Variants in FBXW8 observed in about 807,000 individuals in gnomAD.
FBXW8 encodes F-box/WD repeat-containing protein 8.
In FBXW8, 57 loss-of-function variants were observed where a neutral mutation model predicts 65.3. The observed-to-expected ratio is 0.87, with a 90% confidence interval of 0.71 to 1.09. The LOEUF (loss-of-function observed/expected upper bound fraction) is 1.09, where lower values mean the gene tolerates loss of function less well. FBXW8 is among the 50% of genes least tolerant of loss of function. FBXW8 has a pLI of 0.00. For missense variants in FBXW8, 777 were observed against 814.8 expected (o/e 0.95, Z 0.57); for synonymous variants, 308 against 330.2 (o/e 0.93, Z 0.73).
intron 2 of FBXW8, among the ~76,000 whole-genome samples, chr12:116,942,229 G>A (rs577233645): frequency 6.7e-6 from 1 of 150,226 alleles, no homozygotes; most frequent in Admixed American, 6.6e-5. Context: ...GGGTCTCACT[G>A]TTCATCAGTG....
intron 7 of FBXW8, among the ~76,000 whole-genome samples, chr12:117,000,901 G>C (rs1165996561): frequency 6.6e-6 from 1 of 152,236 alleles, no homozygotes; most frequent in African/African-American, 2.4e-5. Flanking sequence ...TCACAAAGTG[G>C]CGCAGGAATG....
chr12:117,006,457 C>T (rs1432368361), intron 7 of FBXW8, among the ~76,000 whole-genome samples: 4 of 152,252 alleles, frequency 2.6e-5, no homozygotes, highest in African/African-American at 9.6e-5. Flanking sequence ...CTTTCCTTCA[C>T]AGTTTGCCTG....
chr12:116,969,607 A>T (rs973135990), intron 5 of FBXW8, among the ~76,000 whole-genome samples: 1 of 152,182 alleles, frequency 6.6e-6, no homozygotes, highest in Non-Finnish European at 1.5e-5. Context: ...TGTGACACGG[A>T]AAAGAAGAAT....
At chr12:117,003,452 G>T (rs1018048112) in intron 7 of FBXW8, among the ~76,000 whole-genome samples, 1 of 151,138 alleles carries the variant, frequency 6.6e-6, no homozygotes, top group African/African-American at 2.5e-5. Flanking sequence ...ACTAGGTACA[G>T]ATTATTCTAT....
rs553179747 is a variant in FBXW8, at chr12:117,010,532, C to T, written c.1367+82C>T. On this transcript the variant is annotated intron_variant, in intron 8 of 10. Transcript: ENST00000652555. ...CCCCCACTGCGCTGCTCACACTGCCCGGTTCTCACTCAACAGCTCTGCCCA... is the reference window on the plus strand; with the variant it reads ...CCCCCACTGCGCTGCTCACACTGCCTGGTTCTCACTCAACAGCTCTGCCCA... The T allele has an allele frequency of 9.5e-5, 150 of 1,586,088 alleles. 1 individual carries two copies. The South Asian group carries it at 1.3e-3, about 14-fold the overall frequency.
intron 7 of FBXW8, 102 bp from the exon 8 acceptor site, chr12:117,010,221 T>G (rs1953769884): frequency 1.3e-6 from 2 of 1,526,480 alleles, no homozygotes; most frequent in South Asian, 2.4e-5. Flanking sequence ...TCACGGGAGC[T>G]CAGTGATAAG....
Position 116,954,099 on chromosome 12 carries a change from G to A in FBXW8, c.677+4393G>A, listed in dbSNP as rs1414914006. Among the ~76,000 whole-genome samples, 4 of 143,284 alleles carry A rather than the reference G, an allele frequency of 2.8e-5. No individual in the cohort carries two copies. The East Asian group carries it at 8.1e-4, about 29-fold the overall frequency. 94.0% of individuals were successfully genotyped at this position (143,284 alleles called of 152,430 possible). Reference sequence around the variant, plus strand: ...ATTGCATTCCAGCCTGGGCGACAGGGCGACTCTGTCTCAAAAAAAAAAAAA... The same window carrying A: ...ATTGCATTCCAGCCTGGGCGACAGGACGACTCTGTCTCAAAAAAAAAAAAA... On this transcript the variant is annotated intron_variant, in intron 4 of 10. Coordinates refer to ENST00000652555, the MANE Select transcript of FBXW8 (RefSeq NM_153348.3).
At chr12:116,927,809 G>A (rs1456700999) in intron 1 of FBXW8, among the ~76,000 whole-genome samples, 1 of 152,140 alleles carries the variant, frequency 6.6e-6, no homozygotes, top group East Asian at 1.9e-4. Flanking sequence ...AGGAGTGAAG[G>A]CGTGTGGGGG....
intron 7 of FBXW8, among the ~76,000 whole-genome samples, chr12:117,004,309 T>G (rs1953622294): frequency 6.6e-6 from 1 of 152,226 alleles, no homozygotes; most frequent in African/African-American, 2.4e-5. Context: ...TATTTTGTAT[T>G]CTTTATTTGA....
intron 8 of FBXW8, among the ~76,000 whole-genome samples, chr12:117,020,768 T>A (rs777933502): frequency 6.6e-6 from 1 of 152,202 alleles, no homozygotes; most frequent in Non-Finnish European, 1.5e-5. Context: ...TCCCCTGAAG[T>A]CGCAGCTCAC....
chr12:116,997,388 T>C (rs544189318), intron 7 of FBXW8, among the ~76,000 whole-genome samples: 1 of 152,336 alleles, frequency 6.6e-6, no homozygotes, highest in Admixed American at 6.5e-5. Flanking sequence ...CTTTCAGCTA[T>C]AGTCAAGATA....
chr12:116,958,284 C>G (rs961071117), intron 4 of FBXW8, among the ~76,000 whole-genome samples: 13 of 152,156 alleles, frequency 8.5e-5, no homozygotes, highest in African/African-American at 3.1e-4. Context: ...AATACTCTTG[C>G]TTTTATTGAT....
At chr12:116,999,310 C>T (rs1006394029) in intron 7 of FBXW8, among the ~76,000 whole-genome samples, 1 of 152,204 alleles carries the variant, frequency 6.6e-6, no homozygotes, top group African/African-American at 2.4e-5. Context: ...CTTAGCTTGC[C>T]TCTGCTGCAG....
At position 117,010,247 on chromosome 12, in the gene FBXW8, G is replaced by A. The variant is rs1000417217; in HGVS notation, c.1240-76G>A. The stretch of plus-strand genomic sequence containing the variant: ...CAGTGATAAGGATCATGCCCTCCAC[G>A]ATGGTGAAATGAAAGTATTTGATGT... On this transcript the variant is annotated intron_variant, in intron 7 of 10. Transcript: ENST00000652555. 4.9e-5 allele frequency: 78 copies of A among 1,602,278 alleles called. No individual in the cohort carries two copies. In the African/African-American group the frequency reaches 7.6e-4, roughly 16 times the overall value.
chr12:116,952,764 GTCTCAC>G (rs1367236024), intron 4 of FBXW8, among the ~76,000 whole-genome samples: 1 of 152,124 alleles, frequency 6.6e-6, no homozygotes, highest in Non-Finnish European at 1.5e-5. Context: ...TTGAGACACA[GTCTCAC>G]TCTGTCGCCC....
intron 2 of FBXW8, among the ~76,000 whole-genome samples, chr12:116,935,694 G>T (rs564756460): frequency 1.1e-4 from 17 of 152,216 alleles, no homozygotes; most frequent in Non-Finnish European, 2.1e-4. Context: ...GAGCTAAGTG[G>T]TGGGTACTTT....
chr12:117,019,472 C>T (rs1018965733), intron 8 of FBXW8, among the ~76,000 whole-genome samples: 1 of 152,172 alleles, frequency 6.6e-6, no homozygotes, highest in Non-Finnish European at 1.5e-5. Flanking sequence ...TGTTTCCCAG[C>T]GTTGAGTATA....
intron 1 of FBXW8, among the ~76,000 whole-genome samples, chr12:116,919,937 A>C (rs1430499623): frequency 2.0e-5 from 3 of 152,210 alleles, no homozygotes; most frequent in Non-Finnish European, 4.4e-5. Flanking sequence ...TTCTGTTTTT[A>C]AGTTAAACAC....
intron 7 of FBXW8, among the ~76,000 whole-genome samples, chr12:116,992,396 G>GC (rs915813941): frequency 6.7e-6 from 1 of 149,162 alleles, no homozygotes; most frequent in Admixed American, 6.6e-5. Context: ...ATGTATTTTT[G>GC]CCCTTTTTTT....
Sources: gnomAD v4.1 joint callset for allele counts (sites outside exome capture counted in the v4.1 genomes callset) on GRCh38, gnomAD v4.1.1 for gene constraint, MANE v1.5 for transcripts, NCBI Gene and HGNC (gene_info 2026-07-23, HGNC 2026-07-21) for gene names.